Variants in PRR5 observed in about 807,000 individuals in gnomAD.
PRR5 encodes the protein proline-rich protein 5.
Under a neutral mutation model 30.6 loss-of-function variants are expected in PRR5, and 25 were observed. The observed-to-expected ratio is 0.82, with a 90% confidence interval of 0.60 to 1.14. PRR5 has a LOEUF of 1.14. PRR5 is among the 50% of genes most tolerant of loss of function. The pLI, the probability that PRR5 is intolerant of heterozygous loss-of-function variation, is 0.00. For synonymous variants in PRR5, 286 were observed against 247.1 expected, an observed-to-expected ratio of 1.16 and a Z score of -1.48; for missense variants, 600 against 547.1, an observed-to-expected ratio of 1.10 and a Z score of -0.96.
At chr22:44,698,652 G>T (rs189432513), upstream of PRR5, among the ~76,000 whole-genome samples, 1 of 152,208 alleles carries the variant, frequency 6.6e-6, no homozygotes, top group African/African-American at 2.4e-5. Context: ...GGCAGTAGCC[G>T]GGTGGGAGCT....
intron 1 of PRR5, among the ~76,000 whole-genome samples, chr22:44,695,923 CTTTTTTTTT>C (rs79228617): frequency 4.1e-5 from 3 of 73,344 alleles, no homozygotes; most frequent in South Asian, 7.3e-4. Context: ...ATTCTGACAA[CTTTTTTTTT>C]TTTTTTTTTT....
chr22:44,721,454 C>G (rs1419460452), intron 2 of PRR5, among the ~76,000 whole-genome samples: 1 of 152,174 alleles, frequency 6.6e-6, no homozygotes, highest in Non-Finnish European at 1.5e-5. Context: ...CCATCAGAAG[C>G]TGAAGTTACA....
chr22:44,725,433 A>G (rs1920927672), intron 3 of PRR5, 141 bp downstream of exon 3: 5 of 1,125,116 alleles, frequency 4.4e-6, no homozygotes, highest in Non-Finnish European at 6.3e-6. Flanking sequence ...CTCGTTCCTT[A>G]TCTAGCCACG....
intron 1 of PRR5, 54 bp downstream of exon 1, chr22:44,702,662 C>A: frequency 8.0e-7 from 1 of 1,253,014 alleles, no homozygotes; most frequent in Non-Finnish European, 1.0e-6. Context: ...GGGAGGGGAC[C>A]CCTGAGCCGT....
chr22:44,675,019 C>T (rs183786855), upstream of PRR5, among the ~76,000 whole-genome samples: 4 of 149,086 alleles, frequency 2.7e-5, no homozygotes, highest in East Asian at 6.2e-4. Context: ...GAGGCCGAGG[C>T]GGGTGGATCA....
chr22:44,714,671 G>A lies in PRR5; in HGVS notation c.215G>A (p.Arg72Gln), dbSNP rs1240670404. 1.6e-5 allele frequency: 26 copies of A among 1,613,636 alleles called. No homozygotes were observed. In the Admixed American group the frequency reaches 1.7e-4, roughly 10 times the overall value. Residue 72 changes from arginine to glutamine, a missense_variant and splice_region_variant, in exon 2 of 8, where the codon CGG (arginine) becomes CAG (glutamine). Arg to Gln is a conservative substitution (Grantham distance 43, BLOSUM62 1). Coordinates refer to ENST00000336985, the MANE Select transcript of PRR5 (RefSeq NM_181333.4). ...CTCTTCAGCCTCAACGAGGGCGTCC[G>A]GTGAGTGCCTGTCCCACCTTGGTCC... ...QELFSLNEGV[R>Q]QLLKTELGSF...
chr22:44,684,240 G>A (rs963931101), intron 1 of PRR5, among the ~76,000 whole-genome samples: 3 of 152,202 alleles, frequency 2.0e-5, no homozygotes, highest in Non-Finnish European at 4.4e-5. Flanking sequence ...CCTCGAGAGT[G>A]GTAGAAAATG....
chr22:44,698,961 C>T (rs954599298), upstream of PRR5, among the ~76,000 whole-genome samples: 17 of 152,174 alleles, frequency 1.1e-4, no homozygotes, highest in African/African-American at 3.1e-4. Context: ...CTGCCTGTCA[C>T]GGCCCAAACC....
intron 1 of PRR5, among the ~76,000 whole-genome samples, chr22:44,705,648 G>A (rs947995571): frequency 1.3e-5 from 2 of 148,178 alleles, no homozygotes; most frequent in Admixed American, 6.7e-5. Context: ...CTTTTGAGAC[G>A]GAATCTTGCT....
upstream of PRR5, among the ~76,000 whole-genome samples, chr22:44,673,410 G>A (rs534038113): frequency 1.1e-3 from 171 of 152,342 alleles, no homozygotes; most frequent in African/African-American, 3.7e-3. Flanking sequence ...ACTGGACAGC[G>A]TCTTAGAAGT....
intron 4 of PRR5, among the ~76,000 whole-genome samples, chr22:44,728,694 C>G (rs1052131584): frequency 6.6e-6 from 1 of 152,202 alleles, no homozygotes; most frequent in East Asian, 1.9e-4. Context: ...GGGCCTCCCC[C>G]TTCCTGCTCC....
chr22:44,734,920 C>T (rs1406606729), intron 6 of PRR5, 107 bp from the exon 7 acceptor site: 27 of 1,404,504 alleles, frequency 1.9e-5, no homozygotes, highest in South Asian at 6.5e-5. Context: ...AATGGGGAGG[C>T]GGGAGGCAGA....
chr22:44,714,804 C>T, intron 2 of PRR5, 133 bp downstream of exon 2: 2 of 1,241,252 alleles, frequency 1.6e-6, no homozygotes, highest in South Asian at 3.0e-5. Flanking sequence ...CATCTGTCAA[C>T]AGGAGAGCGA....
chr22:44,735,359 C>T (rs129573), intron 7 of PRR5, among the ~76,000 whole-genome samples, 197 bp downstream of exon 7: 78,798 of 152,164 alleles, frequency 0.52, 23,383 homozygotes, highest in Non-Finnish European at 0.66. Context: ...ACACCCTGAG[C>T]GGTGATGTGG....
chr22:44,676,390 C>CAAAAAAAAAA (rs59016907), upstream of PRR5, among the ~76,000 whole-genome samples: 15 of 37,038 alleles, frequency 4.0e-4, no homozygotes, highest in Non-Finnish European at 6.0e-4. Flanking sequence ...GACCCTGTCT[C>CAAAAAAAAAA]AAAAAAAAAA....
chr22:44,694,513 A>G (rs927399299), intron 1 of PRR5, among the ~76,000 whole-genome samples: 2 of 152,190 alleles, frequency 1.3e-5, no homozygotes, highest in Non-Finnish European at 2.9e-5. Context: ...AGCCTGGGCA[A>G]TAGAGCAAGA....
chr22:44,715,993 A>G (rs1021338582), intron 2 of PRR5, among the ~76,000 whole-genome samples: 1 of 152,214 alleles, frequency 6.6e-6, no homozygotes, highest in African/African-American at 2.4e-5. Context: ...TGTTAAATTT[A>G]CAAATCCAGC....
At chr22:44,724,662 G>A (rs1166027681) in intron 2 of PRR5, among the ~76,000 whole-genome samples, 1 of 152,154 alleles carries the variant, frequency 6.6e-6, no homozygotes, top group African/African-American at 2.4e-5. Flanking sequence ...TGCCAAGGTG[G>A]AGGTTCAGAT....
chr22:44,732,344 C>T lies in PRR5; in HGVS notation c.508C>T (p.His170Tyr). The T allele has an allele frequency of 6.2e-7, 1 of 1,611,874 alleles. No homozygotes were observed. Among genetic ancestry groups the T allele is most frequent in the Non-Finnish European group, 8.5e-7 (1 of 1,179,852 alleles). The change falls in exon 6 of 8, where the codon CAT becomes TAT. Residue 170 changes from histidine (H) to tyrosine (Y), a missense_variant. Physicochemically the swap from His to Tyr is moderately conservative, Grantham distance 83 (BLOSUM62 2). Coordinates refer to ENST00000336985, the MANE Select transcript of PRR5 (RefSeq NM_181333.4). ...VKLEDALARA[H>Y]ARVPPAIVQM... ...GCTAGAGGATGCGCTGGCCCGGGCC[C>T]ATGCCCGTGTGCCCCCTGCCATCGT...
Sources: allele counts gnomAD v4.1 joint callset (sites outside exome capture counted in the v4.1 genomes callset), GRCh38; gene constraint gnomAD v4.1.1; transcripts MANE v1.5; gene names NCBI Gene and HGNC (gene_info 2026-07-23, HGNC 2026-07-21).